The following CPNE4 variants were observed in gnomAD, a reference collection of about 807,000 sequenced individuals.
The protein encoded by CPNE4 is copine-4.
Under a neutral mutation model 67.9 loss-of-function variants are expected in CPNE4, and 25 were observed. The ratio of observed to expected loss-of-function variants is 0.37; its 90% CI spans 0.27 to 0.51. The LOEUF is 0.51. CPNE4 is among the 20% of genes least tolerant of loss of function. The pLI is 0.93. For synonymous variants in CPNE4, 242 were observed against 244.9 expected, an observed-to-expected ratio of 0.99 and a Z score of 0.11; for missense variants, 464 against 690.8, an observed-to-expected ratio of 0.67 and a Z score of 3.68.
intron 14 of CPNE4, among the ~76,000 whole-genome samples, chr3:131,543,808 G>T (rs1313466431): frequency 6.6e-6 from 1 of 152,140 alleles, no homozygotes; most frequent in Non-Finnish European, 1.5e-5. Flanking sequence ...CCCTCTGAAG[G>T]CCATGTGCCA....
intron 7 of CPNE4, among the ~76,000 whole-genome samples, chr3:131,601,955 T>C (rs4089166): frequency 0.13 from 20,219 of 152,130 alleles, 1,928 homozygotes; most frequent in African/African-American, 0.26. Flanking sequence ...TTCCTCTGGG[T>C]CTCAGTCCTC....
At chr3:131,682,104 T>C (rs2080773398) in intron 6 of CPNE4, among the ~76,000 whole-genome samples, 1 of 152,174 alleles carries the variant, frequency 6.6e-6, no homozygotes, top group South Asian at 2.1e-4. Context: ...AAAGGTCACA[T>C]AACTCTTTTG....
At chr3:131,562,037 T>G (rs1451989652) in intron 11 of CPNE4, among the ~76,000 whole-genome samples, 1 of 152,060 alleles carries the variant, frequency 6.6e-6, no homozygotes, top group Non-Finnish European at 1.5e-5. Context: ...GAAATTTGAT[T>G]TTCTTGGTCA....
upstream of CPNE4, among the ~76,000 whole-genome samples, chr3:132,038,409 G>A (rs1290537266): frequency 6.6e-6 from 1 of 152,016 alleles, no homozygotes; most frequent in East Asian, 1.9e-4. Flanking sequence ...CTACGAAAGG[G>A]CAGTTTATAC....
intron 1 of CPNE4, among the ~76,000 whole-genome samples, chr3:132,029,045 T>G (rs532515113): frequency 1.3e-5 from 2 of 152,212 alleles, no homozygotes; most frequent in South Asian, 2.1e-4. Flanking sequence ...TTTACAACAA[T>G]TACTAGCCCC....
intron 10 of CPNE4, among the ~76,000 whole-genome samples, chr3:131,574,811 C>T (rs760217793): frequency 2.0e-5 from 3 of 152,080 alleles, no homozygotes; most frequent in African/African-American, 4.8e-5. Flanking sequence ...AAATGGGAAG[C>T]GTTAGGAGGA....
rs376739428 is a variant in CPNE4, at chr3:131,717,977, GTCTC to G, written c.360+5465_360+5468del. On this transcript the variant is annotated intron_variant, in intron 3 of 15. Coordinates refer to ENST00000429747, the MANE Select transcript of CPNE4 (RefSeq NM_130808.3). ...TTTCTCTCTTTCTTTCTCTCTCTCT[GTCTC>G]TCTCTCTCTCTCTGTCTCTCTCTCT... Among the ~76,000 whole-genome samples, 481 of 117,066 alleles carry G rather than the reference GTCTC, an allele frequency of 4.1e-3. 5 individuals carry two copies. The highest frequency in any genetic ancestry group is 0.014 in the African/African-American group (452 of 31,468). The allele number at this position is 117,066 out of a possible 152,430, so 76.8% of individuals were successfully genotyped here. A position where few individuals can be genotyped will look rare whatever the true frequency, so the allele number is the denominator to read the frequency against.
At chr3:131,873,729 C>T (rs1246797862) in intron 2 of CPNE4, among the ~76,000 whole-genome samples, 1 of 152,144 alleles carries the variant, frequency 6.6e-6, no homozygotes, top group African/African-American at 2.4e-5. Flanking sequence ...GATGACTGAC[C>T]CATAAATGGA....
intron 2 of CPNE4, among the ~76,000 whole-genome samples, chr3:131,781,340 C>T (rs2083428607): frequency 6.6e-6 from 1 of 152,046 alleles, no homozygotes; most frequent in African/African-American, 2.4e-5. Context: ...TACTGTCCTG[C>T]CTTTCATAAA....
At chr3:131,673,463 T>G (rs1335631349) in intron 6 of CPNE4, among the ~76,000 whole-genome samples, 3 of 152,090 alleles carry the variant, frequency 2.0e-5, no homozygotes, top group Non-Finnish European at 4.4e-5. Flanking sequence ...TTCTAATCCC[T>G]GAACATGGAC....
chr3:131,545,549 C>T (rs1439755683), intron 14 of CPNE4, among the ~76,000 whole-genome samples: 1 of 152,192 alleles, frequency 6.6e-6, no homozygotes, highest in East Asian at 1.9e-4. Context: ...TGTTATATTA[C>T]AGTACCTACA....
At chr3:131,838,653 T>G (rs183157994) in intron 2 of CPNE4, among the ~76,000 whole-genome samples, 32 of 151,814 alleles carry the variant, frequency 2.1e-4, no homozygotes, top group African/African-American at 7.2e-4. Context: ...AAAACCTATA[T>G]AAGAATCTCA....
chr3:131,981,025 C>T (rs938307237), intron 1 of CPNE4, among the ~76,000 whole-genome samples: 6 of 152,074 alleles, frequency 3.9e-5, no homozygotes, highest in Non-Finnish European at 8.8e-5. Flanking sequence ...GTTGTCTGCA[C>T]AGAGTTTTGT....
At chr3:131,752,099 C>T (rs1437133756) in intron 2 of CPNE4, among the ~76,000 whole-genome samples, 1 of 152,164 alleles carries the variant, frequency 6.6e-6, no homozygotes, top group African/African-American at 2.4e-5. Context: ...TGAAAGCCCA[C>T]ATTTACCATG....
intron 1 of CPNE4, among the ~76,000 whole-genome samples, chr3:131,950,669 C>T (rs1222549225): frequency 1.3e-5 from 2 of 152,124 alleles, no homozygotes; most frequent in African/African-American, 2.4e-5. Flanking sequence ...CTGTGAATAA[C>T]GAGGACCGAC....
intron 1 of CPNE4, among the ~76,000 whole-genome samples, chr3:132,005,330 TATATATATATATACACACACACACAC>T (rs2073564222): frequency 7.1e-5 from 2 of 28,368 alleles, no homozygotes; most frequent in African/African-American, 1.2e-4. Flanking sequence ...TATATATATA[TATATATATATATACACACACACACAC>T]ACACACACAC....
intron 1 of CPNE4, among the ~76,000 whole-genome samples, chr3:131,934,452 T>G (rs1305218942): frequency 6.6e-6 from 1 of 152,208 alleles, no homozygotes; most frequent in Admixed American, 6.5e-5. Flanking sequence ...CTGTGATACA[T>G]GTACAGAACA....
chr3:131,942,297 G>C (rs2107859825), intron 1 of CPNE4, among the ~76,000 whole-genome samples: 1 of 151,918 alleles, frequency 6.6e-6, no homozygotes, highest in Admixed American at 6.6e-5. Flanking sequence ...CTAACTATAA[G>C]AGCACAAAGT....
chr3:131,716,768 T>A (rs1361725983), intron 3 of CPNE4, among the ~76,000 whole-genome samples: 1 of 152,214 alleles, frequency 6.6e-6, no homozygotes, highest in Non-Finnish European at 1.5e-5. Context: ...TCAGCACTAT[T>A]ATTATTTCCA....
Sources: allele counts gnomAD v4.1 joint callset (sites outside exome capture counted in the v4.1 genomes callset), GRCh38; gene constraint gnomAD v4.1.1; transcripts MANE v1.5; gene names NCBI Gene and HGNC (gene_info 2026-07-23, HGNC 2026-07-21).